ITGA8: variants seen among roughly 807,000 people sequenced by gnomAD.
The protein encoded by ITGA8 is integrin alpha-8.
Under a neutral mutation model 142.3 loss-of-function variants are expected in ITGA8, and 91 were observed. The ratio of observed to expected loss-of-function variants is 0.64; its 90% CI spans 0.54 to 0.76. The LOEUF is 0.76. Among genes scored for constraint, ITGA8 ranks in the 30% least tolerant of loss-of-function variants. The probability of loss-of-function intolerance (pLI) is 0.00; values close to 1 mark genes in which losing one functional copy is unlikely to be tolerated. For missense variants in ITGA8, 1,406 were observed against 1,327.7 expected (o/e 1.06, Z -0.92); for synonymous variants, 505 against 485.2 (o/e 1.04, Z -0.54).
chr10:15,567,842 G>A (rs1431695615), intron 25 of ITGA8, among the ~76,000 whole-genome samples: 4 of 152,086 alleles, frequency 2.6e-5, no homozygotes, highest in Admixed American at 6.6e-5. Flanking sequence ...CTTCCCTCAC[G>A]CCCTAAGGGT....
At chr10:15,592,354 A>T (rs1260115503) in intron 21 of ITGA8, 50 bp from the exon 22 acceptor site, 3 of 1,359,474 alleles carry the variant, frequency 2.2e-6, no homozygotes, top group Non-Finnish European at 3.1e-6. Flanking sequence ...ACAACATAAA[A>T]ATATTTTGTA....
intron 13 of ITGA8, among the ~76,000 whole-genome samples, chr10:15,619,209 C>G (rs994973204): frequency 2.0e-5 from 3 of 152,150 alleles, no homozygotes; most frequent in African/African-American, 7.2e-5. Flanking sequence ...CTCAGGATTT[C>G]TTAAATGCAC....
At chr10:15,694,263 TCAG>T (rs1834995307) in intron 2 of ITGA8, among the ~76,000 whole-genome samples, 1 of 98,056 alleles carries the variant, frequency 1.0e-5, no homozygotes, top group African/African-American at 3.4e-5. Flanking sequence ...AACATATACA[TCAG>T]ATAATATATC....
rs115082059 is a variant in ITGA8, at chr10:15,589,184, A to G, written c.2292-2520T>C. On this transcript the variant is annotated intron_variant, in intron 22 of 29. Coordinates refer to ENST00000378076, the MANE Select transcript of ITGA8 (RefSeq NM_003638.3). ...CCTATGTTATATACTATGGATAGAC[A>G]TGTTTTTCACTTTATTACTCCAATG... Among the ~76,000 whole-genome samples, 497 of 152,322 alleles carry G rather than the reference A, an allele frequency of 3.3e-3. 3 individuals are homozygous for G. The highest frequency in any genetic ancestry group is 0.011 in the African/African-American group (474 of 41,574).
intron 25 of ITGA8, among the ~76,000 whole-genome samples, chr10:15,561,527 G>A (rs373719763): frequency 2.0e-5 from 3 of 151,998 alleles, no homozygotes; most frequent in Non-Finnish European, 2.9e-5. Context: ...AAAGAGGTCC[G>A]TTCTTGGAAG....
intron 7 of ITGA8, among the ~76,000 whole-genome samples, chr10:15,672,056 G>A (rs1300343324): frequency 2.0e-5 from 3 of 152,044 alleles, no homozygotes; most frequent in Non-Finnish European, 4.4e-5. Context: ...TGCTATTTCT[G>A]GTCACCAGTA....
intron 27 of ITGA8, among the ~76,000 whole-genome samples, chr10:15,548,199 C>G (rs546602153): frequency 6.6e-6 from 1 of 151,742 alleles, no homozygotes; most frequent in Non-Finnish European, 1.5e-5. Flanking sequence ...TCAAGGGATT[C>G]TCATGCCTCA....
intron 21 of ITGA8, among the ~76,000 whole-genome samples, chr10:15,593,943 G>A (rs1341215690): frequency 3.3e-5 from 5 of 150,848 alleles, no homozygotes; most frequent in African/African-American, 9.8e-5. Context: ...CCAGATTCAA[G>A]TGATTCTCCT....
At chr10:15,565,360 T>C (rs76381153) in intron 25 of ITGA8, among the ~76,000 whole-genome samples, 1,693 of 152,030 alleles carry the variant, frequency 0.011, 36 homozygotes, top group African/African-American at 0.039. Flanking sequence ...TAAGTTCTTT[T>C]TTGTTTTGTT....
At chr10:15,660,704 T>C (rs1834268704) in intron 9 of ITGA8, among the ~76,000 whole-genome samples, 175 bp downstream of exon 9, 1 of 152,232 alleles carries the variant, frequency 6.6e-6, no homozygotes. Flanking sequence ...GTAGGTGTTC[T>C]GAGCATGTTT....
chr10:15,594,460 C>T (rs1012236165), intron 21 of ITGA8, among the ~76,000 whole-genome samples: 7 of 152,030 alleles, frequency 4.6e-5, no homozygotes, highest in African/African-American at 1.7e-4. Flanking sequence ...TAGCTTAGAA[C>T]CTGGCATATA....
chr10:15,531,028 A>T (rs1300037324), intron 28 of ITGA8, 22 bp downstream of exon 28: 2 of 1,083,682 alleles, frequency 1.8e-6, no homozygotes, highest in Non-Finnish European at 2.8e-6. Context: ...ATTTGTGCCT[A>T]TATATATTTA....
At chr10:15,563,605 G>A (rs1834021628) in intron 25 of ITGA8, among the ~76,000 whole-genome samples, 1 of 152,170 alleles carries the variant, frequency 6.6e-6, no homozygotes, top group South Asian at 2.1e-4. Context: ...AGTAATAGTA[G>A]TGGTGGTGCT....
chr10:15,641,438 A>G (rs1648211044), intron 13 of ITGA8, among the ~76,000 whole-genome samples: 1 of 152,168 alleles, frequency 6.6e-6, no homozygotes, highest in African/African-American at 2.4e-5. Context: ...GCCTGCCTCT[A>G]AGGCAGTTTC....
At chr10:15,659,390 C>T (rs867586270) in intron 9 of ITGA8, among the ~76,000 whole-genome samples, 1 of 152,092 alleles carries the variant, frequency 6.6e-6, no homozygotes, top group Non-Finnish European at 1.5e-5. Context: ...CATTTCTGTT[C>T]TTATTCTATG....
chr10:15,677,747 A>G (rs951180667), intron 5 of ITGA8, 110 bp from the exon 6 acceptor site: 1 of 980,818 alleles, frequency 1.0e-6, no homozygotes, highest in African/African-American at 1.7e-5. Context: ...TTTGTTACAC[A>G]TAAAAAGCAA....
chr10:15,558,417 G>C (rs1407532185), intron 25 of ITGA8, among the ~76,000 whole-genome samples: 1 of 152,176 alleles, frequency 6.6e-6, no homozygotes, highest in Admixed American at 6.5e-5. Flanking sequence ...AATTCACGAA[G>C]CATGGGGAAT....
chr10:15,538,205 G>A (rs944707516), intron 27 of ITGA8, among the ~76,000 whole-genome samples: 1 of 152,022 alleles, frequency 6.6e-6, no homozygotes, highest in Admixed American at 6.6e-5. Flanking sequence ...GTCATCCTGG[G>A]TATTCAGTTA....
At chr10:15,518,460 AT>A (rs1474210097) in intron 29 of ITGA8, among the ~76,000 whole-genome samples, 1 of 152,272 alleles carries the variant, frequency 6.6e-6, no homozygotes, top group African/African-American at 2.4e-5. Flanking sequence ...CAGAAACGCC[AT>A]TCCTTAACTC....
Sources: allele counts gnomAD v4.1 joint callset (sites outside exome capture counted in the v4.1 genomes callset), GRCh38; gene constraint gnomAD v4.1.1; transcripts MANE v1.5; gene names NCBI Gene and HGNC (gene_info 2026-07-23, HGNC 2026-07-21).